The following HLTF variants were observed in gnomAD, a reference collection of about 807,000 sequenced individuals.
The protein encoded by HLTF is DNA-dependent ATPase/E3 ubiquitin-protein ligase HLTF.
Under a neutral mutation model 129.4 loss-of-function variants are expected in HLTF, and 127 were observed. The ratio of observed to expected loss-of-function variants is 0.98; its 90% CI spans 0.85 to 1.14. The LOEUF (loss-of-function observed/expected upper bound fraction) is 1.14, where lower values mean the gene tolerates loss of function less well. HLTF is among the 50% of genes most tolerant of loss of function. The probability of loss-of-function intolerance (pLI) is 0.00; values close to 1 mark genes in which losing one functional copy is unlikely to be tolerated. For missense variants in HLTF, 1,139 were observed against 1,187.1 expected (o/e 0.96, Z 0.60); for synonymous variants, 332 against 388.8 (o/e 0.85, Z 1.72).
intron 24 of HLTF, 49 bp from the exon 25 acceptor site, chr3:149,032,421 A>C: frequency 8.5e-7 from 1 of 1,181,274 alleles, no homozygotes; most frequent in Non-Finnish European, 1.2e-6. Context: ...CATAGTATTT[A>C]AAATCTTTAT....
In HLTF at chr3:149,031,253, T is replaced by C. The variant is rs1715010445; in HGVS notation, c.*967A>G. The C allele has an allele frequency of 6.6e-6, 1 of 152,592 alleles. No homozygotes were observed. Among genetic ancestry groups the C allele is most frequent in the Non-Finnish European group, 1.5e-5 (1 of 68,024 alleles). 9.5% of individuals were successfully genotyped at this position (152,592 alleles called of 1,614,324 possible). On this transcript the variant is annotated 3_prime_UTR_variant, in exon 25 of 25. Transcript: ENST00000310053. ...AAATCAAATTCTGATTCTAAACACA[T>C]AACAATTGTTTACATTCAGGATTAA...
At chr3:149,073,473 T>C in intron 4 of HLTF, 151 bp from the exon 5 acceptor site, 1 of 594,868 alleles carries the variant, frequency 1.7e-6, no homozygotes, top group Non-Finnish European at 3.0e-6. Flanking sequence ...GCAGGTGGTT[T>C]GCCTGAGTCC....
At position 149,048,095 on chromosome 3, in the gene HLTF, T is replaced by C; in HGVS notation, c.1825A>G (p.Ile609Val). The stretch of plus-strand genomic sequence containing the variant: ...GTTCTATGCCACCATTCTCTATCAA[T>C]AAATGGTTTAAGTTTTAAAAAGGAA... ...LLSFLKLKPF[I>V]DREWWHRTIQ... The change falls in exon 17 of 25, where the codon ATT (isoleucine) becomes GTT (valine). Residue 609 changes from isoleucine (I) to valine (V), a missense_variant. Coordinates refer to ENST00000310053, the MANE Select transcript of HLTF (RefSeq NM_003071.4). The C allele has an allele frequency of 6.2e-7, 1 of 1,611,534 alleles. No homozygotes were observed. Among genetic ancestry groups the C allele is most frequent in the South Asian group, 1.1e-5 (1 of 90,950 alleles).
intron 20 of HLTF, among the ~76,000 whole-genome samples, chr3:149,040,998 C>A (rs1301902967): frequency 6.6e-6 from 1 of 152,162 alleles, no homozygotes; most frequent in Non-Finnish European, 1.5e-5. Context: ...CCTTATCCAA[C>A]ACAATAGCCA....
Position 149,040,140 on chromosome 3 carries a change from G to C in HLTF, c.2393C>G (p.Pro798Arg). The change falls in exon 21 of 25, where the codon CCT (proline) becomes CGT (arginine). Residue 798 changes from proline to arginine, a missense_variant. Physicochemically the swap from Pro to Arg is moderately radical, Grantham distance 103. Transcript: ENST00000310053. ...IQNEQPHAKCPLCRNDIHEDN... is the reference protein window; with the variant it reads ...IQNEQPHAKCRLCRNDIHEDN... ...TTCATGTATATCATTTCTGCATAAAGGGCATTTAGCATGTGGCTATATAAG... is the reference window on the plus strand; with the variant it reads ...TTCATGTATATCATTTCTGCATAAACGGCATTTAGCATGTGGCTATATAAG... 1.2e-6 allele frequency: 2 copies of C among 1,607,318 alleles called. No homozygotes were observed. Among genetic ancestry groups the C allele is most frequent in the Non-Finnish European group, 1.7e-6 (2 of 1,177,754 alleles).
chr3:149,043,819 G>A (rs1352251687), intron 18 of HLTF, among the ~76,000 whole-genome samples: 1 of 152,088 alleles, frequency 6.6e-6, no homozygotes, highest in Non-Finnish European at 1.5e-5. Flanking sequence ...CCTATGTCTT[G>A]AGCTTCCTCA....
chr3:149,079,373 T>TAAAAAAAAAAAAAAAAAAAAA (rs71135659), intron 2 of HLTF, among the ~76,000 whole-genome samples: 3 of 57,236 alleles, frequency 5.2e-5, no homozygotes, highest in African/African-American at 1.3e-4. Context: ...CGACAGTTTC[T>TAAAAAAAAAAAAAAAAAAAAA]AAAAAAAAAA....
chr3:149,064,907 G>C, intron 8 of HLTF, 41 bp from the exon 9 acceptor site: 1 of 1,141,816 alleles, frequency 8.8e-7, no homozygotes, highest in Non-Finnish European at 1.3e-6. Flanking sequence ...ACTGCTATCA[G>C]TTTTAAATAA....
In HLTF at chr3:149,032,375, TTAAAA is replaced by T; in HGVS notation, c.2878-8_2878-4del. The T allele has an allele frequency of 6.8e-7, 1 of 1,467,156 alleles. No homozygotes were observed. The highest frequency in any genetic ancestry group is 9.1e-7 in the Non-Finnish European group (1 of 1,097,342). The allele number at this position is 1,467,156 out of a possible 1,614,324, so 90.9% of individuals were successfully genotyped here. ...TCAACAGAGTCCTTTACAATGAACT[TTAAAA>T]AGAAAAAAAAAAGTTAAGTAGTTTT... On this transcript the variant is annotated splice_region_variant and splice_polypyrimidine_tract_variant and intron_variant, in intron 24 of 24. Coordinates refer to ENST00000310053, the MANE Select transcript of HLTF (RefSeq NM_003071.4).
intron 8 of HLTF, among the ~76,000 whole-genome samples, chr3:149,067,917 G>A (rs1375586550): frequency 1.3e-5 from 2 of 152,134 alleles, no homozygotes; most frequent in Non-Finnish European, 2.9e-5. Flanking sequence ...GCTGAGGCAG[G>A]TAGATGGCTT....
At chr3:149,050,831 T>G (rs1026350730) in intron 14 of HLTF, among the ~76,000 whole-genome samples, 1 of 152,192 alleles carries the variant, frequency 6.6e-6, no homozygotes, top group African/African-American at 2.4e-5. Flanking sequence ...TTGCCAGGTA[T>G]CAACCACAAT....
At chr3:149,040,308 C>T in intron 20 of HLTF, 152 bp from the exon 21 acceptor site, 1 of 604,198 alleles carries the variant, frequency 1.7e-6, no homozygotes. Context: ...TAAGAGACAT[C>T]TGAACATGCT....
intron 2 of HLTF, among the ~76,000 whole-genome samples, chr3:149,081,850 T>C (rs1441734029): frequency 6.6e-6 from 1 of 152,164 alleles, no homozygotes; most frequent in East Asian, 1.9e-4. Context: ...AAGTATGTGT[T>C]CCTCCAATTC....
Position 149,055,393 on chromosome 3 carries a change from A to T in HLTF, c.1383T>A (p.Cys461Ter). The T allele has an allele frequency of 6.2e-7, 1 of 1,611,534 alleles. No individual in the cohort carries two copies. Among genetic ancestry groups the T allele is most frequent in the Non-Finnish European group, 8.5e-7 (1 of 1,177,746 alleles). ...TKKKMLKKGA[C>*]AVEGSKKTDV... The stretch of plus-strand genomic sequence containing the variant: ...CAGTTTTCTTTGACCCCTCCACTGC[A>T]CAAGCTCCTAAAAAAATGAACCACT... Residue 461 changes from cysteine to a stop codon, truncating the protein, a stop_gained, in exon 14 of 25, where the codon TGT (cysteine) becomes TGA (stop). Coordinates refer to ENST00000310053, the MANE Select transcript of HLTF (RefSeq NM_003071.4). LOFTEE classifies it high-confidence loss of function.
At chr3:149,054,541 T>C (rs1336346098) in intron 14 of HLTF, among the ~76,000 whole-genome samples, 1 of 152,180 alleles carries the variant, frequency 6.6e-6, no homozygotes, top group African/African-American at 2.4e-5. Context: ...GTGGTCCTTA[T>C]ATTCACAGGG....
At chr3:149,078,735 T>C (rs1308130682) in intron 2 of HLTF, among the ~76,000 whole-genome samples, 1 of 151,714 alleles carries the variant, frequency 6.6e-6, no homozygotes, top group Non-Finnish European at 1.5e-5. Flanking sequence ...CGGGTGCCTG[T>C]AGTCCCAGTT....
chr3:149,038,491 C>CAG (rs1715834218), intron 23 of HLTF, among the ~76,000 whole-genome samples: 1 of 152,060 alleles, frequency 6.6e-6, no homozygotes, highest in Admixed American at 6.6e-5. Context: ...TTCAGTAAAA[C>CAG]AGAGCATTTT....
chr3:149,047,905 C>T, intron 17 of HLTF, 123 bp downstream of exon 17: 1 of 699,914 alleles, frequency 1.4e-6, no homozygotes, highest in East Asian at 2.9e-5. Flanking sequence ...AGGTACTGAG[C>T]CATAAACACT....
At chr3:149,068,677 G>A (rs1235328134) in intron 7 of HLTF, among the ~76,000 whole-genome samples, 3 of 151,962 alleles carry the variant, frequency 2.0e-5, no homozygotes, top group Admixed American at 6.6e-5. Context: ...CATGAAGTTC[G>A]GAGCTAAAGT....
Sources: allele counts gnomAD v4.1 joint callset (sites outside exome capture counted in the v4.1 genomes callset), GRCh38; gene constraint gnomAD v4.1.1; transcripts MANE v1.5; gene names NCBI Gene and HGNC (gene_info 2026-07-23, HGNC 2026-07-21).